IGSF3: variants seen among roughly 807,000 people sequenced by gnomAD.
The protein encoded by IGSF3 is immunoglobulin superfamily member 3, also known as glu-Trp-Ile EWI motif-containing protein 3.
IGSF3 carries 23 observed loss-of-function variants against 114.4 expected under a neutral mutation model. That is an observed-to-expected ratio of 0.20 (90% CI 0.14 to 0.28). The LOEUF is 0.28. Among genes scored for constraint, IGSF3 ranks in the 10% least tolerant of loss-of-function variants. IGSF3 has a pLI of 1.00. For synonymous variants in IGSF3, 571 were observed against 645.2 expected, an observed-to-expected ratio of 0.88 and a Z score of 1.74; for missense variants, 1,172 against 1,591.5, an observed-to-expected ratio of 0.74 and a Z score of 4.48.
chr1:116,598,172 A>G lies in IGSF3; in HGVS notation c.2029+1769T>C, dbSNP rs1228379245. On this transcript the variant is annotated intron_variant, in intron 7 of 10. Coordinates refer to ENST00000369486, the MANE Select transcript of IGSF3 (RefSeq NM_001007237.3). This position sits in a 1 kb window ranked among gnomAD's most constrained non-coding sequence, Gnocchi z 4.3. ...AAAGGCAATGTCAGACAAGGTCTTG[A>G]GGTCAGCAACTCCTCTACCTTCTAC... 2.0e-5 allele frequency among the ~76,000 whole-genome samples: 3 copies of G among 152,186 alleles called. No homozygotes were observed. The highest frequency in any genetic ancestry group is 2.9e-5 in the Non-Finnish European group (2 of 68,028).
chr1:116,577,297 TG>T lies in IGSF3; in HGVS notation c.*14del. ...CAGCTCCTCCGTGGCCAACATCCGC[TG>T]GGGCATCACCCGCTTAGTCTATGGC... On this transcript the variant is annotated 3_prime_UTR_variant, in exon 11 of 11. Transcript: ENST00000369486. The surrounding 1 kb of genome is among the most constrained non-coding windows in gnomAD (Gnocchi z 5.7). 1 of 1,611,994 alleles carries T rather than the reference TG, an allele frequency of 6.2e-7. No homozygotes were observed. The highest frequency in any genetic ancestry group is 1.1e-5 in the South Asian group (1 of 90,994).
chr1:116,608,353 G>A (rs1412421260), intron 4 of IGSF3, 22 bp from the exon 5 acceptor site: 3 of 1,602,228 alleles, frequency 1.9e-6, no homozygotes, highest in Non-Finnish European at 2.6e-6. Flanking sequence ...AGTAAGAAAA[G>A]AGACACATCC....
At position 116,588,025 on chromosome 1, in the gene IGSF3, G is replaced by A. The variant is rs556841656; in HGVS notation, c.2440+669C>T. On this transcript the variant is annotated intron_variant, in intron 8 of 10. Coordinates refer to ENST00000369486, the MANE Select transcript of IGSF3 (RefSeq NM_001007237.3). This position sits in a 1 kb window ranked among gnomAD's most constrained non-coding sequence, Gnocchi z 4.9. Reference sequence around the variant, plus strand: ...GCAGACTTCTCTTTGGTTGTTCCAGGGGCAGATCTAAAAAGGGAAATTACA... The same window carrying A: ...GCAGACTTCTCTTTGGTTGTTCCAGAGGCAGATCTAAAAAGGGAAATTACA... Among the ~76,000 whole-genome samples the A allele has an allele frequency of 6.6e-6, 1 of 152,292 alleles. No individual in the cohort carries two copies. Among genetic ancestry groups the A allele is most frequent in the Non-Finnish European group, 1.5e-5 (1 of 68,022 alleles).
chr1:116,624,963 C>T lies in IGSF3; in HGVS notation c.44-8506G>A, dbSNP rs1036994894. Reference sequence around the variant, plus strand: ...GCCACCATGTGAGTGAACAAGCCTCCACTGTGAGCTGCCCCCAGCCTTGGA... The same window carrying T: ...GCCACCATGTGAGTGAACAAGCCTCTACTGTGAGCTGCCCCCAGCCTTGGA... On this transcript the variant is annotated intron_variant, in intron 2 of 10. Coordinates refer to ENST00000369486, the MANE Select transcript of IGSF3 (RefSeq NM_001007237.3). The surrounding 1 kb of genome is among the most constrained non-coding windows in gnomAD (Gnocchi z 4.9). Among the ~76,000 whole-genome samples, 1 of 152,244 alleles carries T rather than the reference C, an allele frequency of 6.6e-6. No individual in the cohort carries two copies. The highest frequency in any genetic ancestry group is 2.4e-5 in the African/African-American group (1 of 41,468).
intron 2 of IGSF3, among the ~76,000 whole-genome samples, chr1:116,640,950 G>C (rs1040432524): frequency 2.0e-5 from 3 of 152,176 alleles, no homozygotes; most frequent in Non-Finnish European, 4.4e-5. Context: ...TTGGTATTCT[G>C]AAAATTAATT....
Position 116,603,752 on chromosome 1 carries a change from A to G in IGSF3, c.1496T>C (p.Phe499Ser). 1.2e-6 allele frequency: 2 copies of G among 1,613,976 alleles called. No individual in the cohort carries two copies. The highest frequency in any genetic ancestry group is 1.7e-6 in the Non-Finnish European group (2 of 1,179,860). The part of the protein sequence containing the change: ...VQPNSFSLGI[F>S]NSRKEDEGQY... ...GCCCTCGTCCTCCTTCCTGCTGTTG[A>G]AGATGCCCAGGCTGAACGAGTTGGG... Residue 499 changes from phenylalanine (F) to serine (S), a missense_variant, in exon 6 of 11, where the codon TTC becomes TCC. Phe to Ser is a radical substitution (Grantham distance 155). Coordinates refer to ENST00000369486, the MANE Select transcript of IGSF3 (RefSeq NM_001007237.3). The surrounding 1 kb of genome is among the most constrained non-coding windows in gnomAD (Gnocchi z 7.1).
rs572589220 is a variant in IGSF3, at chr1:116,650,576, G to A, written c.43+15708C>T. 1.3e-5 allele frequency among the ~76,000 whole-genome samples: 2 copies of A among 152,122 alleles called. No individual in the cohort carries two copies. The highest frequency in any genetic ancestry group is 2.9e-5 in the Non-Finnish European group (2 of 68,018). On this transcript the variant is annotated intron_variant, in intron 2 of 10. Transcript: ENST00000369486. The surrounding 1 kb of genome is among the most constrained non-coding windows in gnomAD (Gnocchi z 5.0). ...TTGAGTGGCATGTGGGAGAGGTGTGGCATCCAACCCAACTGGGTCCTGCCA... is the reference window on the plus strand; with the variant it reads ...TTGAGTGGCATGTGGGAGAGGTGTGACATCCAACCCAACTGGGTCCTGCCA...
rs992646646 is a variant in IGSF3, at chr1:116,629,268, A to G, written c.44-12811T>C. ...GGGAGAAAGGCTATAAAAGGATTTG[A>G]AAGTATTTTCGTAAAGATAAACACC... On this transcript the variant is annotated intron_variant, in intron 2 of 10. Transcript: ENST00000369486. The surrounding 1 kb of genome is among the most constrained non-coding windows in gnomAD (Gnocchi z 4.3). Among the ~76,000 whole-genome samples the G allele has an allele frequency of 2.6e-5, 4 of 152,256 alleles. No homozygotes were observed. The highest frequency in any genetic ancestry group is 9.6e-5 in the African/African-American group (4 of 41,460).
rs1249452428 is a variant in IGSF3, at chr1:116,627,603, C to T, written c.44-11146G>A. On this transcript the variant is annotated intron_variant, in intron 2 of 10. Transcript: ENST00000369486. This position sits in a 1 kb window ranked among gnomAD's most constrained non-coding sequence, Gnocchi z 4.7. ...GGCCCTGCTGACAACAGGCCGGGAG[C>T]GCATCTGCAGGCAGCGTCAGGATGT... 6.6e-5 allele frequency among the ~76,000 whole-genome samples: 10 copies of T among 152,226 alleles called. 1 individual carries two copies. The highest frequency in any genetic ancestry group is 4.1e-4 in the South Asian group (2 of 4,828).
rs1028896831 is a variant in IGSF3, at chr1:116,654,887, G to C, written c.43+11397C>G. 3.9e-5 allele frequency among the ~76,000 whole-genome samples: 6 copies of C among 151,954 alleles called. No individual in the cohort carries two copies. Among genetic ancestry groups the C allele is most frequent in the Non-Finnish European group, 8.8e-5 (6 of 67,998 alleles). On this transcript the variant is annotated intron_variant, in intron 2 of 10. Coordinates refer to ENST00000369486, the MANE Select transcript of IGSF3 (RefSeq NM_001007237.3). The surrounding 1 kb of genome is among the most constrained non-coding windows in gnomAD (Gnocchi z 4.4). ...CCTCAGAGCCCCCTCCCTTCTCCTC[G>C]CTCTCCCCTTATCACTGCTATTCAT...
At position 116,647,841 on chromosome 1, in the gene IGSF3, C is replaced by T. The variant is rs527775926; in HGVS notation, c.43+18443G>A. On this transcript the variant is annotated intron_variant, in intron 2 of 10. Coordinates refer to ENST00000369486, the MANE Select transcript of IGSF3 (RefSeq NM_001007237.3). The surrounding 1 kb of genome is among the most constrained non-coding windows in gnomAD (Gnocchi z 4.6). ...GCAGCTGACTGGGCACGGTGGCTCACGCCTGTAATCCAAGCACTTTGGGAG... is the reference window on the plus strand; with the variant it reads ...GCAGCTGACTGGGCACGGTGGCTCATGCCTGTAATCCAAGCACTTTGGGAG... 5.9e-5 allele frequency among the ~76,000 whole-genome samples: 9 copies of T among 152,298 alleles called. No homozygotes were observed. In the South Asian group the frequency reaches 1.0e-3, roughly 18 times the overall value.
chr1:116,636,755 A>G lies in IGSF3; in HGVS notation c.44-20298T>C, dbSNP rs1571179336. Among the ~76,000 whole-genome samples the G allele has an allele frequency of 6.6e-6, 1 of 151,586 alleles. No homozygotes were observed. Among genetic ancestry groups the G allele is most frequent in the East Asian group, 1.9e-4 (1 of 5,136 alleles). On this transcript the variant is annotated intron_variant, in intron 2 of 10. Coordinates refer to ENST00000369486, the MANE Select transcript of IGSF3 (RefSeq NM_001007237.3). This position sits in a 1 kb window ranked among gnomAD's most constrained non-coding sequence, Gnocchi z 4.5. ...TTCTGTCCCACCCAGCTTTCTCACCACCCACCCCACCCCTTCCACACTCCA... is the reference window on the plus strand; with the variant it reads ...TTCTGTCCCACCCAGCTTTCTCACCGCCCACCCCACCCCTTCCACACTCCA...
At chr1:116,599,702 CAACA>C (rs1321348683) in intron 7 of IGSF3, among the ~76,000 whole-genome samples, 5 of 152,108 alleles carry the variant, frequency 3.3e-5, no homozygotes, top group African/African-American at 1.2e-4. Context: ...TCAAAAACAA[CAACA>C]AACATACACA....
chr1:116,653,390 C>T (rs562092608), intron 2 of IGSF3, among the ~76,000 whole-genome samples: 6 of 152,256 alleles, frequency 3.9e-5, no homozygotes, highest in African/African-American at 1.2e-4. Flanking sequence ...ACCATAAATA[C>T]CACAGTCCTC....
In IGSF3 at chr1:116,607,939, T is replaced by C. The variant is rs952340023; in HGVS notation, c.1222+3A>G. 4.3e-6 allele frequency: 7 copies of C among 1,613,256 alleles called. No homozygotes were observed. The African/African-American group carries it at 9.3e-5, about 22-fold the overall frequency. On this transcript the variant is annotated splice_donor_region_variant and intron_variant, in intron 5 of 10. Coordinates refer to ENST00000369486, the MANE Select transcript of IGSF3 (RefSeq NM_001007237.3). This position sits in a 1 kb window ranked among gnomAD's most constrained non-coding sequence, Gnocchi z 6.1. Reference sequence around the variant, plus strand: ...GAAGAAAGCAGCACATCTCTCTACTTACTGAGGGGGAGGACTATGATGGGG... The same window carrying C: ...GAAGAAAGCAGCACATCTCTCTACTCACTGAGGGGGAGGACTATGATGGGG...
Position 116,616,436 on chromosome 1 carries a change from T to C in IGSF3, c.65A>G (p.Gln22Arg). Residue 22 changes from glutamine (Q) to arginine (R), a missense_variant, in exon 3 of 11, where the codon CAG (glutamine) becomes CGG (arginine). Physicochemically the swap from Gln to Arg is conservative, Grantham distance 43. Around this residue, in one of 3 missense-constraint regions of IGSF3, gnomAD observed 736 missense variants for 1,042.0 expected, o/e 0.71. Coordinates refer to ENST00000369486, the MANE Select transcript of IGSF3 (RefSeq NM_001007237.3). This position sits in a 1 kb window ranked among gnomAD's most constrained non-coding sequence, Gnocchi z 6.6. ...CAAGGGTCCTTCCTGAACGGTGACCTGCCGCTGTGCTGACACCACACCTAC... is the reference window on the plus strand; with the variant it reads ...CAAGGGTCCTTCCTGAACGGTGACCCGCCGCTGTGCTGACACCACACCTAC... ...AVLGVVSAQR[Q>R]VTVQEGPLYR... 6.3e-7 allele frequency: 1 copy of C among 1,599,370 alleles called. No individual in the cohort carries two copies. The highest frequency in any genetic ancestry group is 8.5e-7 in the Non-Finnish European group (1 of 1,169,832).
rs1659661384 is a variant in IGSF3 at position 116,582,882 on chromosome 1, A to G, written c.2848+1763T>C. Among the ~76,000 whole-genome samples the G allele has an allele frequency of 1.3e-5, 2 of 152,316 alleles. No individual in the cohort carries two copies. Among genetic ancestry groups the G allele is most frequent in the South Asian group, 2.1e-4 (1 of 4,828 alleles). The stretch of plus-strand genomic sequence containing the variant: ...CAAAATTATACTTTTCTGTTTTCCA[A>G]TGTTTTGTAATTAGTACAATCAACT... On this transcript the variant is annotated intron_variant, in intron 9 of 10. Transcript: ENST00000369486. This position sits in a 1 kb window ranked among gnomAD's most constrained non-coding sequence, Gnocchi z 4.7.
In IGSF3 at chr1:116,616,186, C is replaced by T. The variant is rs759392489; in HGVS notation, c.315G>A (p.Leu105=). The T allele has an allele frequency of 3.7e-6, 6 of 1,613,882 alleles. No homozygotes were observed. The highest frequency in any genetic ancestry group is 3.3e-5 in the Admixed American group (2 of 60,008). ...IERVQGNSTL[L]HITDLQARDA... is the part of the protein sequence containing the mutation. The stretch of plus-strand genomic sequence containing the variant: ...CCCGGGCCTGAAGATCTGTGATGTG[C>T]AATAGGGTTGAGTTCCCCTGGACTC... Residue 105 remains leucine (L), a synonymous_variant, in exon 3 of 11, where the codon TTG becomes TTA. Coordinates refer to ENST00000369486, the MANE Select transcript of IGSF3 (RefSeq NM_001007237.3). This position sits in a 1 kb window ranked among gnomAD's most constrained non-coding sequence, Gnocchi z 6.6.
rs1375914215 is a variant in IGSF3 at position 116,607,176 on chromosome 1, A to G, written c.1222+766T>C. Among the ~76,000 whole-genome samples the G allele has an allele frequency of 2.0e-5, 3 of 152,226 alleles. No homozygotes were observed. Among genetic ancestry groups the G allele is most frequent in the Non-Finnish European group, 4.4e-5 (3 of 68,048 alleles). On this transcript the variant is annotated intron_variant, in intron 5 of 10. Transcript: ENST00000369486. This position sits in a 1 kb window ranked among gnomAD's most constrained non-coding sequence, Gnocchi z 6.1. ...ATTATAGGTTTTTATTCTCTTTACT[A>G]AAAACAGAACTATGGGAGAATGAGA... is the stretch of plus-strand genomic sequence containing the variant.
Sources: gnomAD v4.1 joint callset for allele counts (sites outside exome capture counted in the v4.1 genomes callset) on GRCh38, gnomAD v4.1.1 for gene constraint, gnomAD v4.1.1 regional missense constraint, Gnocchi (gnomAD v3.1) non-coding constraint, MANE v1.5 for transcripts, NCBI Gene and HGNC (gene_info 2026-07-23, HGNC 2026-07-21) for gene names.